ASB9: variants seen among roughly 807,000 people sequenced by gnomAD.
ASB9 encodes ankyrin repeat and SOCS box protein 9.
A neutral mutation model predicts 16.6 loss-of-function variants in ASB9; 5 were observed. The observed-to-expected ratio is 0.30, with a 90% CI of 0.16 to 0.63. The LOEUF (loss-of-function observed/expected upper bound fraction) is 0.63, where lower values mean the gene tolerates loss of function less well. Among genes scored for constraint, ASB9 ranks in the 30% least tolerant of loss-of-function variants. ASB9 has a pLI of 0.82. For synonymous variants in ASB9, 100 were observed against 86.4 expected (o/e 1.16, Z -0.87); for missense variants, 216 against 229.4 (o/e 0.94, Z 0.38).
intron 6 of ASB9, 51 bp from the exon 7 acceptor site, chrX:15,244,681 C>T (rs1435997350): frequency 9.8e-7 from 1 of 1,024,391 alleles, no homozygotes; most frequent in African/African-American, 3.1e-5. Context: ...TGATCTAAGA[C>T]TCCTTTTTTT....
intron 1 of ASB9, among the ~76,000 whole-genome samples, chrX:15,266,433 C>T (rs1926397819): frequency 1.8e-5 from 2 of 111,984 alleles, no homozygotes; most frequent in South Asian, 3.7e-4. Context: ...CTCTCAATTT[C>T]CTGCCTCATG....
intron 1 of ASB9, among the ~76,000 whole-genome samples, chrX:15,267,415 A>ATATATAT (rs1303441346): frequency 4.1e-5 from 2 of 48,306 alleles, no homozygotes; most frequent in African/African-American, 1.4e-4. Context: ...ATCTAAAAAA[A>ATATATAT]AAATATATAT....
At chrX:15,267,561 G>C (rs1456134190) in intron 1 of ASB9, among the ~76,000 whole-genome samples, 7 of 87,024 alleles carry the variant, frequency 8.0e-5, no homozygotes, top group Non-Finnish European at 4.4e-5. Flanking sequence ...TGGCTAACAT[G>C]GTGAAACCCC....
intron 4 of ASB9, 128 bp from the exon 5 acceptor site, chrX:15,250,692 A>G (rs1602140010): frequency 3.7e-6 from 2 of 545,169 alleles, no homozygotes; most frequent in South Asian, 4.2e-5. Context: ...TATTTCCTTC[A>G]ATTAGAATCA....
chrX:15,244,842 T>C (rs1477857748), intron 6 of ASB9, among the ~76,000 whole-genome samples: 3 of 111,723 alleles, frequency 2.7e-5, no homozygotes, highest in Non-Finnish European at 5.6e-5. Context: ...TGTTAGGTTT[T>C]TAATTTAGAA....
At chrX:15,259,176 A>G (rs1670553592) in intron 1 of ASB9, 13 of 312,470 alleles carry the variant, frequency 4.2e-5, no homozygotes, top group Non-Finnish European at 7.3e-5. Flanking sequence ...CCAGTCCTCA[A>G]ACTAAGGACA....
intron 1 of ASB9, among the ~76,000 whole-genome samples, chrX:15,263,350 T>A (rs4830526): frequency 9.1e-6 from 1 of 109,686 alleles, no homozygotes; most frequent in South Asian, 4.0e-4. Context: ...ACCTGGAAAG[T>A]ATCTGGGTGC....
chrX:15,261,168 A>G (rs903498443), intron 1 of ASB9, among the ~76,000 whole-genome samples: 3 of 112,103 alleles, frequency 2.7e-5, no homozygotes, highest in African/African-American at 9.7e-5. Context: ...GACTGCAGAC[A>G]TGGAAAGATT....
chrX:15,263,908 G>C (rs1361576436), intron 1 of ASB9, among the ~76,000 whole-genome samples: 1 of 111,483 alleles, frequency 9.0e-6, no homozygotes, highest in African/African-American at 3.3e-5. Flanking sequence ...TTACCTGCTT[G>C]GTGGAATTAT....
chrX:15,244,463 A>G lies in ASB9; in HGVS notation c.*43T>C, dbSNP rs761932422. 9.2e-5 allele frequency: 107 copies of G among 1,163,610 alleles called. No homozygotes were observed. In the South Asian group the frequency reaches 1.9e-3, roughly 20 times the overall value. On this transcript the variant is annotated 3_prime_UTR_variant, in exon 7 of 7. Transcript: ENST00000380488. ...AAAATTCTAGTGGCTACAACACTCA[A>G]TAATGTTTTCACATCGTTTGTGAAT...
At chrX:15,264,446 C>A (rs924876834) in intron 1 of ASB9, among the ~76,000 whole-genome samples, 2 of 111,807 alleles carry the variant, frequency 1.8e-5, no homozygotes, top group Admixed American at 1.9e-4. Context: ...TTAAGACATT[C>A]TTTCCCTGCT....
intron 2 of ASB9, among the ~76,000 whole-genome samples, chrX:15,256,311 C>CTTTT (rs756206331): frequency 5.9e-4 from 34 of 57,338 alleles, no homozygotes; most frequent in Non-Finnish European, 7.7e-4. Context: ...GCCTAAGATT[C>CTTTT]TTTTTTTTTT....
At chrX:15,267,284 T>G (rs1455220590) in intron 1 of ASB9, among the ~76,000 whole-genome samples, 1 of 111,635 alleles carries the variant, frequency 9.0e-6, no homozygotes, top group African/African-American at 3.2e-5. Context: ...CGTGTGCCTG[T>G]AGTCCCACCT....
intron 1 of ASB9, among the ~76,000 whole-genome samples, chrX:15,263,129 A>G (rs1180789561): frequency 8.9e-6 from 1 of 111,813 alleles, no homozygotes; most frequent in Non-Finnish European, 1.9e-5. Flanking sequence ...AAGATGCACT[A>G]ATTGCTACAT....
intron 2 of ASB9, among the ~76,000 whole-genome samples, chrX:15,256,775 CAAA>C (rs1248547700): frequency 5.6e-5 from 2 of 35,998 alleles, no homozygotes; most frequent in Admixed American, 3.8e-4. Flanking sequence ...GACTCCGTCT[CAAA>C]AAAAAAAAAA....
intron 1 of ASB9, among the ~76,000 whole-genome samples, chrX:15,268,611 C>T (rs1381129182): frequency 9.5e-6 from 1 of 105,464 alleles, no homozygotes; most frequent in African/African-American, 3.5e-5. Context: ...TTTTAGGTAG[C>T]GACGGAATTT....
chrX:15,259,120 GCA>G, intron 1 of ASB9, 175 bp from the exon 2 acceptor site: 1 of 357,554 alleles, frequency 2.8e-6, no homozygotes, highest in East Asian at 4.1e-5. Flanking sequence ...TATTTTTTGT[GCA>G]CAGTTTGTTT....
chrX:15,246,959 T>G (rs1476968357), intron 6 of ASB9, among the ~76,000 whole-genome samples: 2 of 111,448 alleles, frequency 1.8e-5, no homozygotes, highest in African/African-American at 6.5e-5. Context: ...AACGGGAAAA[T>G]CTTACCTTTC....
At chrX:15,267,749 AAAC>A (rs1302520265) in intron 1 of ASB9, among the ~76,000 whole-genome samples, 25 of 54,500 alleles carry the variant, frequency 4.6e-4, no homozygotes, top group African/African-American at 1.8e-3. Context: ...ACTTCAAAAA[AAAC>A]AAAAAAAAAA....
Sources: gnomAD v4.1 joint callset for allele counts (sites outside exome capture counted in the v4.1 genomes callset) on GRCh38, gnomAD v4.1.1 for gene constraint, MANE v1.5 for transcripts, NCBI Gene and HGNC (gene_info 2026-07-23, HGNC 2026-07-21) for gene names.